SLC6A16: variants seen among roughly 807,000 people sequenced by gnomAD.
SLC6A16 encodes solute carrier family 6 member 16.
SLC6A16 carries 54 observed loss-of-function variants against 65.4 expected under a neutral mutation model. The ratio of observed to expected loss-of-function variants is 0.83; its 90% confidence interval spans 0.66 to 1.04. The LOEUF is 1.04. Ranked by LOEUF, SLC6A16 falls within the 50% of genes least tolerant of loss-of-function variation. The probability of loss-of-function intolerance (pLI) is 0.00; values close to 1 mark genes in which losing one functional copy is unlikely to be tolerated. For missense variants in SLC6A16, 816 were observed against 914.0 expected (o/e 0.89, Z 1.38); for synonymous variants, 330 against 346.5 (o/e 0.95, Z 0.53).
At chr19:49,295,768 T>C (rs1600611318) in intron 7 of SLC6A16, among the ~76,000 whole-genome samples, 1 of 152,126 alleles carries the variant, frequency 6.6e-6, no homozygotes, top group East Asian at 1.9e-4. Flanking sequence ...AAGGGGGCCA[T>C]GGAGGCCAGA....
chr19:49,310,051 G>C lies in SLC6A16; in HGVS notation c.689C>G (p.Ser230Cys), dbSNP rs1970482326. The C allele has an allele frequency of 1.2e-6, 2 of 1,613,724 alleles. No homozygotes were observed. The highest frequency in any genetic ancestry group is 1.7e-5 in the Admixed American group (1 of 59,960). The change falls in exon 4 of 12, where the codon TCT (serine) becomes TGT (cysteine). Residue 230 changes from serine (S) to cysteine (C), a missense_variant. Physicochemically the swap from Ser to Cys is moderately radical, Grantham distance 112. Coordinates refer to ENST00000335875, the MANE Select transcript of SLC6A16 (RefSeq NM_014037.3). ...CACTTCCTCCTCACCAAAGCCACTA[G>C]AGTTCATCGTTAAGGGACATTTCTC... ...PWEKCPLTMN[S>C]SGFDPECERT...
chr19:49,324,969 C>T (rs1413945578), intron 1 of SLC6A16, 79 bp downstream of exon 1: 3 of 887,540 alleles, frequency 3.4e-6, no homozygotes, highest in Admixed American at 6.2e-5. Flanking sequence ...CCAGTGGGCC[C>T]GGGCCTCGAA....
At chr19:49,305,164 C>T (rs561866807) in intron 7 of SLC6A16, among the ~76,000 whole-genome samples, 1 of 152,190 alleles carries the variant, frequency 6.6e-6, no homozygotes, top group East Asian at 1.9e-4. Flanking sequence ...GCTGAGTCTG[C>T]CTTTGTGCTC....
Position 49,293,306 on chromosome 19 carries a change from C to T in SLC6A16, c.1695G>A (p.Leu565=), listed in dbSNP as rs754956078. Residue 565 remains leucine, a synonymous_variant, in exon 10 of 12, where the codon CTG becomes CTA. Transcript: ENST00000335875. The part of the protein sequence containing the change: ...RPSGSYFIRL[L]SDYWIVFPII... ...TGGGGAAGACTATCCAGTAGTCACTCAGCAGTCTGATGAAGTAGCTGCCTG... is the reference window on the plus strand; with the variant it reads ...TGGGGAAGACTATCCAGTAGTCACTTAGCAGTCTGATGAAGTAGCTGCCTG... 2 of 1,614,116 alleles carry T rather than the reference C, an allele frequency of 1.2e-6. No homozygotes were observed. The highest frequency in any genetic ancestry group is 1.7e-6 in the Non-Finnish European group (2 of 1,180,000).
At chr19:49,329,862 T>A (rs573261586), upstream of SLC6A16, among the ~76,000 whole-genome samples, 1 of 152,154 alleles carries the variant, frequency 6.6e-6, no homozygotes, top group Non-Finnish European at 1.5e-5. Flanking sequence ...CTCGATCTCC[T>A]GAACTCGTGA....
In SLC6A16 at chr19:49,311,387, G is replaced by C; in HGVS notation, c.-40C>G. ...CTGGGGCAGCTCCCGCTTCTGCAAG[G>C]GAGGGTTCATCTTCCTGAGGAGACC... On this transcript the variant is annotated 5_prime_UTR_variant, in exon 2 of 12. Transcript: ENST00000335875. 1 of 1,523,596 alleles carries C rather than the reference G, an allele frequency of 6.6e-7. No individual in the cohort carries two copies. Among genetic ancestry groups the C allele is most frequent in the Non-Finnish European group, 8.8e-7 (1 of 1,137,296 alleles). 94.4% of individuals were successfully genotyped at this position (1,523,596 alleles called of 1,614,324 possible).
At chr19:49,315,859 T>A (rs923231468) in intron 1 of SLC6A16, among the ~76,000 whole-genome samples, 2 of 152,072 alleles carry the variant, frequency 1.3e-5, no homozygotes, top group African/African-American at 4.8e-5. Context: ...TATTTAATAA[T>A]GAAGTGAAGA....
chr19:49,295,055 G>C (rs1376111953), intron 7 of SLC6A16, among the ~76,000 whole-genome samples: 1 of 152,026 alleles, frequency 6.6e-6, no homozygotes, highest in Non-Finnish European at 1.5e-5. Flanking sequence ...GTTCTGGCCA[G>C]ATTTAACTAC....
chr19:49,321,365 A>G (rs1970708345), intron 1 of SLC6A16, among the ~76,000 whole-genome samples: 2 of 151,758 alleles, frequency 1.3e-5, no homozygotes, highest in South Asian at 2.1e-4. Context: ...AAAGGAAAAT[A>G]CGGCTGGGCA....
chr19:49,308,872 T>G lies in SLC6A16; in HGVS notation c.1229+4A>C. 1 of 1,614,070 alleles carries G rather than the reference T, an allele frequency of 6.2e-7. No individual in the cohort carries two copies. The highest frequency in any genetic ancestry group is 8.5e-7 in the Non-Finnish European group (1 of 1,179,978). ...GAGACCCTTAACAAAGGGGCCGGCC[T>G]TACCTCTCACAGCAGCGATGTGTGA... On this transcript the variant is annotated splice_donor_region_variant and intron_variant, in intron 7 of 11. Transcript: ENST00000335875.
chr19:49,340,104 G>A, the SLC6A16 span: 1 of 1,538,024 alleles, frequency 6.5e-7, no homozygotes, highest in Non-Finnish European at 8.7e-7. Flanking sequence ...TTCCCGTCGA[G>A]CCCCGCCCTT....
intron 1 of SLC6A16, among the ~76,000 whole-genome samples, chr19:49,315,049 A>AC (rs1568538381): frequency 6.6e-6 from 1 of 151,728 alleles, no homozygotes; most frequent in African/African-American, 2.4e-5. Context: ...AAAAAAAAAA[A>AC]CCAATGATTT....
At chr19:49,323,658 G>A (rs1970752180) in intron 1 of SLC6A16, among the ~76,000 whole-genome samples, 1 of 152,156 alleles carries the variant, frequency 6.6e-6, no homozygotes, top group Admixed American at 6.6e-5. Flanking sequence ...AAACTACAAT[G>A]AGATAATACC....
At chr19:49,317,823 C>T (rs1225990309) in intron 1 of SLC6A16, among the ~76,000 whole-genome samples, 1 of 151,750 alleles carries the variant, frequency 6.6e-6, no homozygotes, top group Non-Finnish European at 1.5e-5. Flanking sequence ...AAAAACTGTA[C>T]AAATAATTAA....
chr19:49,313,104 T>G (rs970109263), intron 1 of SLC6A16, among the ~76,000 whole-genome samples: 1 of 140,356 alleles, frequency 7.1e-6, no homozygotes, highest in African/African-American at 3.2e-5. Context: ...AAGACGATGA[T>G]GGCTACAAAT....
chr19:49,332,533 G>A, the SLC6A16 span, among the ~76,000 whole-genome samples: 2 of 152,160 alleles, frequency 1.3e-5, no homozygotes, highest in South Asian at 4.1e-4. Context: ...ACTCCAGCCT[G>A]GGTGACAGAG....
At chr19:49,331,586 T>G in the SLC6A16 span, 10 of 357,430 alleles carry the variant, frequency 2.8e-5, no homozygotes, top group Non-Finnish European at 5.6e-5. Context: ...CGTAAAATCT[T>G]AGTAGCTTAA....
chr19:49,290,657 A>C lies in SLC6A16; in HGVS notation c.1889T>G (p.Met630Arg). 6.2e-7 allele frequency: 1 copy of C among 1,614,136 alleles called. No homozygotes were observed. The highest frequency in any genetic ancestry group is 8.5e-7 in the Non-Finnish European group (1 of 1,180,010). Residue 630 changes from methionine (M) to arginine (R), a missense_variant, in exon 11 of 12, where the codon ATG becomes AGG. Transcript: ENST00000335875. ...VVLLIIFVTM[M>R]VHLCMKPITY... ...GATCGGCTTCATACAAAGATGAACC[A>C]TCATGGTCACAAAGATGATTAGCAG...
chr19:49,290,699 T>A lies in SLC6A16; in HGVS notation c.1847A>T (p.His616Leu). 1 of 1,613,836 alleles carries A rather than the reference T, an allele frequency of 6.2e-7. No individual in the cohort carries two copies. The highest frequency in any genetic ancestry group is 1.1e-5 in the South Asian group (1 of 91,004). The change falls in exon 11 of 12, where the codon CAT (histidine) becomes CTT (leucine). Residue 616 changes from histidine (H) to leucine (L), a missense_variant. Physicochemically the swap from His to Leu is moderately conservative, Grantham distance 99. Transcript: ENST00000335875. ...ISPIFGWLWP[H>L]LCPVVLLIIF... ...GATTAGCAGCACAACTGGACACAGATGGGGCCACAGCCAACCAAAGATGGG... is the reference window on the plus strand; with the variant it reads ...GATTAGCAGCACAACTGGACACAGAAGGGGCCACAGCCAACCAAAGATGGG...
Sources: allele counts gnomAD v4.1 joint callset (sites outside exome capture counted in the v4.1 genomes callset), GRCh38; gene constraint gnomAD v4.1.1; transcripts MANE v1.5; gene names NCBI Gene and HGNC (gene_info 2026-07-23, HGNC 2026-07-21).